Variants in POM121C observed in about 807,000 individuals in gnomAD.
POM121C encodes POM121 transmembrane nucleoporin C, also known as nuclear envelope pore membrane protein POM 121C.
Under a neutral mutation model 66.4 loss-of-function variants are expected in POM121C, and 20 were observed. The observed-to-expected ratio is 0.30, with a 90% CI of 0.21 to 0.44. The LOEUF (loss-of-function observed/expected upper bound fraction) is 0.44. Among genes scored for constraint, POM121C ranks in the 20% least tolerant of loss-of-function variants. POM121C has a pLI of 1.00. For missense variants in POM121C, 580 were observed against 1,225.7 expected, an observed-to-expected ratio of 0.47 and a Z score of 7.87; for synonymous variants, 286 against 528.0, an observed-to-expected ratio of 0.54 and a Z score of 6.28.
intron 7 of POM121C, among the ~76,000 whole-genome samples, chr7:75,437,211 T>C (rs1191958286): frequency 6.6e-6 from 1 of 152,224 alleles, no homozygotes; most frequent in Non-Finnish European, 1.5e-5. Context: ...CCTATATTGA[T>C]CACTCAATGA....
chr7:75,424,918 C>A, intron 10 of POM121C, 156 bp downstream of exon 10: 1 of 1,458,892 alleles, frequency 6.9e-7, no homozygotes, highest in Non-Finnish European at 9.1e-7. Flanking sequence ...CAAAATCGAG[C>A]CACTGAACTC....
intron 13 of POM121C, chr7:75,420,388 C>G (rs1176413287): frequency 2.0e-5 from 3 of 152,258 alleles, no homozygotes; most frequent in African/African-American, 7.3e-5. Context: ...CGCTGCCCCT[C>G]CTGCTGTGCT....
At chr7:75,448,223 C>T (rs1262664030) in intron 3 of POM121C, among the ~76,000 whole-genome samples, 8 of 151,652 alleles carry the variant, frequency 5.3e-5, no homozygotes, top group Non-Finnish European at 7.4e-5. Context: ...GGTAACAGAG[C>T]GAGACTCTGT....
At position 75,416,897 on chromosome 7, in the gene POM121C, G is replaced by C. The variant is rs1392809822; in HGVS notation, c.*1899C>G. 1 of 1,434,746 alleles carries C rather than the reference G, an allele frequency of 7.0e-7. No homozygotes were observed. 88.9% of individuals were successfully genotyped at this position (1,434,746 alleles called of 1,614,324 possible). A position where few individuals can be genotyped will look rare whatever the true frequency, so the allele number is the denominator to read the frequency against. On this transcript the variant is annotated 3_prime_UTR_variant, in exon 15 of 15. Coordinates refer to ENST00000615331, the MANE Select transcript of POM121C (RefSeq NM_001099415.3). ...AGGAATGAAGTCTCTATTTGTAATG[G>C]AAAGTCCCAGCCTCCCGCTGCCGTC...
In POM121C at chr7:75,418,711, C is replaced by G. The variant is rs1789571183; in HGVS notation, c.*85G>C. On this transcript the variant is annotated 3_prime_UTR_variant, in exon 15 of 15. Coordinates refer to ENST00000615331, the MANE Select transcript of POM121C (RefSeq NM_001099415.3). ...TCCGGGGTAGGTTTGCTTTACGCAG[C>G]TGGAAGGGTCCAAGGCTCTTTCTAG... 1 of 1,453,544 alleles carries G rather than the reference C, an allele frequency of 6.9e-7. No individual in the cohort carries two copies. The highest frequency in any genetic ancestry group is 2.6e-4 in the Middle Eastern group (1 of 3,866). The allele number at this position is 1,453,544 out of a possible 1,614,324, so 90.0% of individuals were successfully genotyped here.
chr7:75,476,290 C>A (rs868945996), intron 1 of POM121C, among the ~76,000 whole-genome samples: 269 of 116,208 alleles, frequency 2.3e-3, no homozygotes, highest in Middle Eastern at 4.6e-3. Flanking sequence ...GACCTTGTCT[C>A]AAAAAAAAAA....
At chr7:75,482,571 T>C (rs1792349429) in intron 1 of POM121C, among the ~76,000 whole-genome samples, 1 of 152,062 alleles carries the variant, frequency 6.6e-6, no homozygotes, top group Non-Finnish European at 1.5e-5. Flanking sequence ...GCACCTGTAG[T>C]CCCAGCTAGG....
chr7:75,480,712 A>T (rs1792272486), intron 1 of POM121C, among the ~76,000 whole-genome samples: 1 of 152,174 alleles, frequency 6.6e-6, no homozygotes, highest in Non-Finnish European at 1.5e-5. Context: ...GTATTCTTCA[A>T]ATGTTATAAT....
chr7:75,437,297 ATTACT>A (rs1790454858), intron 7 of POM121C, among the ~76,000 whole-genome samples: 1 of 152,162 alleles, frequency 6.6e-6, no homozygotes, highest in South Asian at 2.1e-4. Flanking sequence ...TTGCTAACCA[ATTACT>A]TTATTTAAAA....
rs782632538 is a variant in POM121C at position 75,441,067 on chromosome 7, G to T, written c.114C>A (p.Ala38=). The part of the protein sequence containing the change: ...SSTLSSPSSN[A]PDPCAKETVL... Reference sequence around the variant, plus strand: ...CAGTCTCCTTTGCACATGGGTCTGGGGCATTACTTGATGGTGACGACAGTG... The same window carrying T: ...CAGTCTCCTTTGCACATGGGTCTGGTGCATTACTTGATGGTGACGACAGTG... Residue 38 remains alanine, a synonymous_variant, in exon 5 of 15, where the codon GCC becomes GCA. Coordinates refer to ENST00000615331, the MANE Select transcript of POM121C (RefSeq NM_001099415.3). 6.2e-6 allele frequency: 10 copies of T among 1,613,840 alleles called. No individual in the cohort carries two copies. In the South Asian group the frequency reaches 1.1e-4, roughly 18 times the overall value.
At chr7:75,450,916 C>A (rs1369027541) in intron 3 of POM121C, among the ~76,000 whole-genome samples, 2 of 152,122 alleles carry the variant, frequency 1.3e-5, no homozygotes, top group South Asian at 4.2e-4. Context: ...GGAAATCAGC[C>A]CTTAGGAAGC....
chr7:75,484,199 T>C (rs1584725573), intron 1 of POM121C: 1 of 1,609,560 alleles, frequency 6.2e-7, no homozygotes, highest in East Asian at 2.2e-5. Context: ...AAAACTCACC[T>C]GCAATGTGTT....
intron 3 of POM121C, among the ~76,000 whole-genome samples, chr7:75,450,648 G>C (rs1380617722): frequency 1.3e-5 from 2 of 152,250 alleles, no homozygotes; most frequent in Non-Finnish European, 2.9e-5. Context: ...CATGCTAAAA[G>C]AATCAGAGAC....
At chr7:75,437,419 G>T in intron 7 of POM121C, 96 bp downstream of exon 7, 9 of 1,482,474 alleles carry the variant, frequency 6.1e-6, no homozygotes, top group Non-Finnish European at 7.2e-6. Flanking sequence ...CTTCCAAAGT[G>T]CTGGGATTAC....
intron 5 of POM121C, among the ~76,000 whole-genome samples, chr7:75,439,883 ATT>A (rs59967197): frequency 5.0e-5 from 7 of 138,718 alleles, no homozygotes; most frequent in African/African-American, 5.3e-5. Flanking sequence ...CACATAAGGA[ATT>A]TTTTTTTTTT....
intron 3 of POM121C, among the ~76,000 whole-genome samples, chr7:75,454,028 G>A (rs1298924839): frequency 6.6e-6 from 1 of 152,248 alleles, no homozygotes; most frequent in Non-Finnish European, 1.5e-5. Context: ...TTACAGTGCA[G>A]CCTGGCTATC....
intron 3 of POM121C, among the ~76,000 whole-genome samples, chr7:75,469,644 A>G (rs1554478346): frequency 6.6e-6 from 1 of 152,214 alleles, no homozygotes; most frequent in Non-Finnish European, 1.5e-5. Context: ...AGTAAAAGAC[A>G]ATCCTTATGA....
At chr7:75,442,676 CGCCGCCGCTCGCCTGCTCCAGCCGCCGCA>C in intron 3 of POM121C, 1 of 1,429,476 alleles carries the variant, frequency 7.0e-7, no homozygotes, top group South Asian at 1.4e-5. Flanking sequence ...CGCTATCGGC[CGCCGCCGCTCGCCTGCTCCAGCCGCCGCA>C]GCCGCCGGAG....
intron 7 of POM121C, among the ~76,000 whole-genome samples, chr7:75,431,431 C>G (rs1790172134): frequency 6.6e-6 from 1 of 151,032 alleles, no homozygotes; most frequent in Non-Finnish European, 1.5e-5. Context: ...TGCAGAAACC[C>G]CATCTCCACT....
Sources: gnomAD v4.1 joint callset for allele counts (sites outside exome capture counted in the v4.1 genomes callset) on GRCh38, gnomAD v4.1.1 for gene constraint, MANE v1.5 for transcripts, NCBI Gene and HGNC (gene_info 2026-07-23, HGNC 2026-07-21) for gene names.